Variants in PALD1 observed in about 807,000 individuals in gnomAD.
PALD1 encodes the protein phosphatase domain containing paladin 1, also known as paladin.
In PALD1, 57 loss-of-function variants were observed where a neutral mutation model predicts 96.0. That is an observed-to-expected ratio of 0.59 (90% CI 0.48 to 0.74). The LOEUF is 0.74. Among genes scored for constraint, PALD1 ranks in the 30% least tolerant of loss-of-function variants. The pLI is 0.00. For missense variants in PALD1, 1,063 were observed against 1,143.7 expected, an observed-to-expected ratio of 0.93 and a Z score of 1.02; for synonymous variants, 464 against 473.6, an observed-to-expected ratio of 0.98 and a Z score of 0.26.
intron 19 of PALD1, among the ~76,000 whole-genome samples, chr10:70,565,082 A>G (rs1847817136): frequency 6.6e-6 from 1 of 152,190 alleles, no homozygotes; most frequent in African/African-American, 2.4e-5. Context: ...GGACTTGGGG[A>G]GACATACAGT....
At chr10:70,462,689 G>A in the PALD1 span, among the ~76,000 whole-genome samples, 163 of 152,364 alleles carry the variant, frequency 1.1e-3, 1 homozygote, top group Non-Finnish European at 1.9e-3. Context: ...CAGATGCCTT[G>A]TGCCCCCCTG....
the PALD1 span, among the ~76,000 whole-genome samples, chr10:70,464,375 C>A: frequency 6.6e-6 from 1 of 151,846 alleles, no homozygotes; most frequent in African/African-American, 2.4e-5. Context: ...CCATGCCCAG[C>A]TAATTTTTTC....
At chr10:70,479,969 C>G (rs1462421140) in intron 1 of PALD1, among the ~76,000 whole-genome samples, 1 of 152,226 alleles carries the variant, frequency 6.6e-6, no homozygotes, top group Non-Finnish European at 1.5e-5. Flanking sequence ...CAATACCAGT[C>G]CTGAACTGGT....
At chr10:70,504,327 G>T (rs2132300057) in intron 1 of PALD1, among the ~76,000 whole-genome samples, 1 of 152,338 alleles carries the variant, frequency 6.6e-6, no homozygotes, top group South Asian at 2.1e-4. Context: ...AGGAGTTCGA[G>T]ATCAGCCTGG....
chr10:70,539,851 G>T lies in PALD1; in HGVS notation c.1908+89G>T. On this transcript the variant is annotated intron_variant, in intron 15 of 19. Coordinates refer to ENST00000263563, the MANE Select transcript of PALD1 (RefSeq NM_014431.3). This position sits in a 1 kb window ranked among gnomAD's most constrained non-coding sequence, Gnocchi z 4.5. The stretch of plus-strand genomic sequence containing the variant: ...GGTCTGGGCTCTGGGAGAATGAAAC[G>T]ACCCCAGCTTCTCTACGGGGCCCGG... 1.7e-6 allele frequency: 2 copies of T among 1,184,822 alleles called. No individual in the cohort carries two copies. Among genetic ancestry groups the T allele is most frequent in the South Asian group, 1.4e-5 (1 of 72,132 alleles). 73.4% of individuals were successfully genotyped at this position (1,184,822 alleles called of 1,614,324 possible).
chr10:70,543,158 A>C lies in PALD1; in HGVS notation c.2121+1624A>C, dbSNP rs113236936. 6.1e-3 allele frequency among the ~76,000 whole-genome samples: 912 copies of C among 150,038 alleles called. 6 individuals are homozygous for C. Among genetic ancestry groups the C allele is most frequent in the Middle Eastern group, 0.011 (3 of 278 alleles). On this transcript the variant is annotated intron_variant, in intron 17 of 19. Coordinates refer to ENST00000263563, the MANE Select transcript of PALD1 (RefSeq NM_014431.3). ...ATTTCTCTAATGATTAGTGATGTTC[A>C]ATATCTTTTTATGTGTTTATTGGCC...
At chr10:70,484,581 C>T (rs1174659098) in intron 1 of PALD1, among the ~76,000 whole-genome samples, 6 of 151,348 alleles carry the variant, frequency 4.0e-5, no homozygotes, top group Non-Finnish European at 8.8e-5. Flanking sequence ...GGTCTGTTAC[C>T]CAGGCTGGAG....
In PALD1 at chr10:70,539,141, G is replaced by A. The variant is rs367778565; in HGVS notation, c.1619G>A (p.Arg540Gln). ...AYLTDAKRRL[R>Q]KVVWVSLREE... is the part of the protein sequence containing the mutation. ...CTGACGGACGCCAAGAGGAGGCTGCGGAAGGTTGTCTGGGTGAGCCTTCGG... is the reference window on the plus strand; with the variant it reads ...CTGACGGACGCCAAGAGGAGGCTGCAGAAGGTTGTCTGGGTGAGCCTTCGG... Residue 540 changes from arginine to glutamine, a missense_variant, in exon 14 of 20, where the codon CGG (arginine) becomes CAG (glutamine). By Grantham distance (43) the Arg-to-Gln change is conservative (BLOSUM62 1). Transcript: ENST00000263563. This position sits in a 1 kb window ranked among gnomAD's most constrained non-coding sequence, Gnocchi z 4.5. The A allele has an allele frequency of 1.2e-5, 19 of 1,613,592 alleles. No homozygotes were observed. In the African/African-American group the frequency reaches 1.2e-4, roughly 10 times the overall value.
chr10:70,547,962 G>C (rs1485302112), intron 18 of PALD1, among the ~76,000 whole-genome samples: 1 of 152,034 alleles, frequency 6.6e-6, no homozygotes, highest in Non-Finnish European at 1.5e-5. Context: ...TCCCAGATGG[G>C]GTGTTTTTTA....
intron 18 of PALD1, among the ~76,000 whole-genome samples, chr10:70,554,126 GC>G (rs1847541562): frequency 6.6e-6 from 1 of 152,174 alleles, no homozygotes; most frequent in Admixed American, 6.5e-5. Flanking sequence ...GATGCTTGGG[GC>G]ATTTTAAGAA....
chr10:70,562,905 A>T (rs1460688407), intron 18 of PALD1, among the ~76,000 whole-genome samples: 2 of 151,978 alleles, frequency 1.3e-5, no homozygotes, highest in Non-Finnish European at 2.9e-5. Context: ...ATCATGGAGA[A>T]CCTAGAAGGG....
Position 70,567,105 on chromosome 10 carries a change from T to A in PALD1, c.*372T>A, listed in dbSNP as rs1847871168. Reference sequence around the variant, plus strand: ...CTGTCCTCTTCTCCCCTCTCTCAGATTGGCCTGGCAGCCCCTGGCACAGAG... The same window carrying A: ...CTGTCCTCTTCTCCCCTCTCTCAGAATGGCCTGGCAGCCCCTGGCACAGAG... On this transcript the variant is annotated 3_prime_UTR_variant, in exon 20 of 20. Transcript: ENST00000263563. The A allele has an allele frequency of 1.1e-5, 2 of 190,136 alleles. No individual in the cohort carries two copies. The highest frequency in any genetic ancestry group is 4.7e-5 in the African/African-American group (2 of 42,624). 11.8% of individuals were successfully genotyped at this position (190,136 alleles called of 1,614,324 possible).
intron 10 of PALD1, among the ~76,000 whole-genome samples, chr10:70,536,116 A>G (rs1008881323): frequency 2.0e-5 from 3 of 152,178 alleles, no homozygotes; most frequent in Non-Finnish European, 2.9e-5. Context: ...CAGAAAACAC[A>G]GAAATTAGCT....
chr10:70,534,853 G>A lies in PALD1; in HGVS notation c.1227+10G>A, dbSNP rs41277994. 3.8e-3 allele frequency: 5,956 copies of A among 1,564,630 alleles called. 14 individuals are homozygous for A. The highest frequency in any genetic ancestry group is 4.8e-3 in the Non-Finnish European group (5,509 of 1,137,918). On this transcript the variant is annotated intron_variant, in intron 10 of 19. Coordinates refer to ENST00000263563, the MANE Select transcript of PALD1 (RefSeq NM_014431.3). ...GGAGAGCCCAGCCCAGGTGAGGCAT[G>A]GAAGGACGTGTGAGCACTCTGCTTC...
intron 4 of PALD1, 62 bp downstream of exon 4, chr10:70,530,130 G>A (rs1205355012): frequency 7.2e-7 from 1 of 1,397,468 alleles, no homozygotes; most frequent in African/African-American, 1.5e-5. Flanking sequence ...GGGCACCTTG[G>A]AGGGGCAGCT....
chr10:70,554,441 T>C (rs12763446), intron 18 of PALD1, among the ~76,000 whole-genome samples: 80,887 of 149,322 alleles, frequency 0.54, 22,175 homozygotes, highest in Middle Eastern at 0.7. Flanking sequence ...AACAAACAAA[T>C]AAACAAACAA....
chr10:70,503,522 G>T (rs1846334184), intron 1 of PALD1, among the ~76,000 whole-genome samples: 1 of 152,092 alleles, frequency 6.6e-6, no homozygotes, highest in South Asian at 2.1e-4. Flanking sequence ...TGTAATCCTA[G>T]CTACTCAGGA....
intron 2 of PALD1, 116 bp downstream of exon 2, chr10:70,526,252 A>G (rs1459000033): frequency 1.3e-6 from 1 of 791,540 alleles, no homozygotes; most frequent in Non-Finnish European, 2.1e-6. Flanking sequence ...TCGGGTTCAT[A>G]GATGATGACA....
intron 1 of PALD1, among the ~76,000 whole-genome samples, chr10:70,492,413 A>G (rs1431761438): frequency 1.4e-5 from 2 of 141,854 alleles, no homozygotes; most frequent in Non-Finnish European, 3.0e-5. Flanking sequence ...GTCAGGGGCT[A>G]TCTGCTGTGT....
Sources: gnomAD v4.1 joint callset for allele counts (sites outside exome capture counted in the v4.1 genomes callset) on GRCh38, gnomAD v4.1.1 for gene constraint, Gnocchi (gnomAD v3.1) non-coding constraint, MANE v1.5 for transcripts, NCBI Gene and HGNC (gene_info 2026-07-23, HGNC 2026-07-21) for gene names.